Variants in WWOX observed in about 807,000 individuals in gnomAD.
WWOX encodes the protein WW domain containing oxidoreductase.
WWOX carries 69 observed loss-of-function variants against 46.2 expected under a neutral mutation model. The ratio of observed to expected loss-of-function variants is 1.49; its 90% CI spans 1.23 to 1.82. The LOEUF is 1.82. Among genes scored for constraint, WWOX ranks in the 40% most tolerant of loss-of-function variants. WWOX has a pLI of 0.00. For missense variants in WWOX, 919 were observed against 542.6 expected, an observed-to-expected ratio of 1.69 and a Z score of -6.89; for synonymous variants, 359 against 202.6, an observed-to-expected ratio of 1.77 and a Z score of -6.56.
At chr16:78,733,665 G>T (rs538559684) in intron 8 of WWOX, among the ~76,000 whole-genome samples, 126 of 152,096 alleles carry the variant, frequency 8.3e-4, no homozygotes, top group African/African-American at 3.0e-3. Context: ...TGAGGCAGGA[G>T]AATGGTTTGA....
At chr16:78,568,719 C>G (rs137855140) in intron 8 of WWOX, among the ~76,000 whole-genome samples, 2,728 of 152,250 alleles carry the variant, frequency 0.018, 47 homozygotes, top group Admixed American at 0.042. Context: ...GAGTGATCTA[C>G]CTGCCTCGGC....
chr16:78,790,855 C>T (rs1003005593), intron 8 of WWOX, among the ~76,000 whole-genome samples: 6 of 151,336 alleles, frequency 4.0e-5, no homozygotes, highest in Non-Finnish European at 8.8e-5. Context: ...CTCATTTCTA[C>T]AAAAAATACA....
chr16:78,395,440 G>A (rs1195686896), intron 6 of WWOX, among the ~76,000 whole-genome samples: 1 of 152,134 alleles, frequency 6.6e-6, no homozygotes, highest in East Asian at 1.9e-4. Context: ...GATCACTTGA[G>A]CCAGCATGGT....
chr16:78,861,336 A>C (rs1407001591), intron 8 of WWOX, among the ~76,000 whole-genome samples: 2 of 152,148 alleles, frequency 1.3e-5, no homozygotes, highest in East Asian at 1.9e-4. Context: ...ACTTATTCAC[A>C]CTGGCTTTAA....
chr16:78,923,033 G>C (rs571988708), intron 8 of WWOX, among the ~76,000 whole-genome samples: 27 of 142,468 alleles, frequency 1.9e-4, no homozygotes, highest in Non-Finnish European at 7.5e-5. Flanking sequence ...CCAGGCTGGA[G>C]TGCAATGGCG....
chr16:78,542,018 CAAAAAAAAAAAAAAAA>C (rs548366256), intron 8 of WWOX, among the ~76,000 whole-genome samples: 1 of 40,642 alleles, frequency 2.5e-5, no homozygotes. Flanking sequence ...CAGAGTATAC[CAAAAAAAAAAAAAAAA>C]AAAAAAAAAA....
intron 8 of WWOX, among the ~76,000 whole-genome samples, chr16:78,546,487 C>T (rs2044034885): frequency 6.6e-6 from 1 of 152,184 alleles, no homozygotes; most frequent in African/African-American, 2.4e-5. Flanking sequence ...AATTACATCT[C>T]ATATTGTGGG....
At chr16:78,725,456 T>A (rs992067358) in intron 8 of WWOX, among the ~76,000 whole-genome samples, 9 of 147,408 alleles carry the variant, frequency 6.1e-5, no homozygotes, top group African/African-American at 2.0e-4. Context: ...TAAGCGATTC[T>A]CCTGCCTCAG....
At chr16:79,012,167 C>A (rs182668947) in intron 8 of WWOX, among the ~76,000 whole-genome samples, 1 of 152,118 alleles carries the variant, frequency 6.6e-6, no homozygotes, top group Non-Finnish European at 1.5e-5. Context: ...CTATCTCTGC[C>A]CTGTCCAGTA....
At chr16:79,087,182 G>T (rs1167400863) in intron 8 of WWOX, among the ~76,000 whole-genome samples, 1 of 152,184 alleles carries the variant, frequency 6.6e-6, no homozygotes, top group Non-Finnish European at 1.5e-5. Flanking sequence ...CAGTCTGGGG[G>T]AAATGCCATG....
At chr16:79,008,336 G>C (rs75839655) in intron 8 of WWOX, among the ~76,000 whole-genome samples, 5 of 152,158 alleles carry the variant, frequency 3.3e-5, no homozygotes, top group African/African-American at 1.2e-4. Flanking sequence ...CTAGCGATTA[G>C]ATCAGTCCCA....
chr16:79,062,800 C>T (rs902653355), intron 8 of WWOX, among the ~76,000 whole-genome samples: 1 of 152,178 alleles, frequency 6.6e-6, no homozygotes, highest in African/African-American at 2.4e-5. Flanking sequence ...TGGGTTCTAA[C>T]AGCCCCTTGA....
intron 8 of WWOX, among the ~76,000 whole-genome samples, chr16:78,782,461 C>T (rs532847532): frequency 1.3e-5 from 2 of 152,144 alleles, no homozygotes; most frequent in Non-Finnish European, 2.9e-5. Flanking sequence ...CCACAGCATT[C>T]CAACGATTCT....
At chr16:78,731,790 T>G (rs943315188) in intron 8 of WWOX, among the ~76,000 whole-genome samples, 2 of 151,646 alleles carry the variant, frequency 1.3e-5, no homozygotes, top group South Asian at 2.1e-4. Context: ...TTTTATAACA[T>G]GCAACAAAAA....
At chr16:78,762,548 G>A (rs2049820077) in intron 8 of WWOX, among the ~76,000 whole-genome samples, 1 of 152,186 alleles carries the variant, frequency 6.6e-6, no homozygotes, top group Non-Finnish European at 1.5e-5. Context: ...AGAGCATAGG[G>A]CAGCACACTG....
At chr16:79,059,881 C>T (rs2048328756) in intron 8 of WWOX, among the ~76,000 whole-genome samples, 1 of 152,228 alleles carries the variant, frequency 6.6e-6, no homozygotes, top group Non-Finnish European at 1.5e-5. Context: ...GCTTTATTAA[C>T]AACTTGAGTA....
intron 8 of WWOX, among the ~76,000 whole-genome samples, chr16:78,602,944 T>C (rs973593638): frequency 1.3e-5 from 2 of 152,224 alleles, no homozygotes; most frequent in Non-Finnish European, 2.9e-5. Context: ...TGATTAGCTT[T>C]CTCTTTCCAT....
At chr16:78,470,100 T>C (rs545642139) in intron 8 of WWOX, among the ~76,000 whole-genome samples, 1 of 152,342 alleles carries the variant, frequency 6.6e-6, no homozygotes, top group East Asian at 1.9e-4. Context: ...TTCCAAGTGG[T>C]AACCCAGGGA....
Position 78,115,291 on chromosome 16 carries a change from C to T in WWOX, c.409+137C>T. The T allele has an allele frequency of 2.9e-6, 3 of 1,035,268 alleles. No individual in the cohort carries two copies. The Middle Eastern group carries it at 6.6e-4, about 228-fold the overall frequency. The allele number at this position is 1,035,268 out of a possible 1,614,324, so 64.1% of individuals were successfully genotyped here. The stretch of plus-strand genomic sequence containing the variant: ...TCCTTTTCAGATATCGTTTCATTAA[C>T]ATCACTACCTCTTTTTAAATCCTAA... On this transcript the variant is annotated intron_variant, in intron 4 of 8. Coordinates refer to ENST00000566780, the MANE Select transcript of WWOX (RefSeq NM_016373.4).
Sources: allele counts gnomAD v4.1 joint callset (sites outside exome capture counted in the v4.1 genomes callset), GRCh38; gene constraint gnomAD v4.1.1; transcripts MANE v1.5; gene names NCBI Gene and HGNC (gene_info 2026-07-23, HGNC 2026-07-21).